SP4: variants seen among roughly 807,000 people sequenced by gnomAD.
SP4 encodes Sp4 transcription factor, also known as transcription factor Sp4.
A neutral mutation model predicts 72.8 loss-of-function variants in SP4; 19 were observed. The observed-to-expected ratio is 0.26, with a 90% CI of 0.18 to 0.38. The LOEUF is 0.38. Ranked by LOEUF, SP4 falls within the 10% of genes least tolerant of loss-of-function variation. SP4 has a pLI of 1.00. For missense variants in SP4, 1,008 were observed against 926.3 expected (o/e 1.09, Z -1.14); for synonymous variants, 395 against 333.1 (o/e 1.19, Z -2.02).
intron 3 of SP4, among the ~76,000 whole-genome samples, chr7:21,435,252 TTAA>T (rs1268709776): frequency 6.6e-6 from 1 of 152,194 alleles, no homozygotes; most frequent in African/African-American, 2.4e-5. Context: ...AAGTTCAGAC[TTAA>T]TAATAAGATA....
At chr7:21,446,338 A>G (rs1243425868) in intron 3 of SP4, among the ~76,000 whole-genome samples, 2 of 152,176 alleles carry the variant, frequency 1.3e-5, no homozygotes, top group Non-Finnish European at 2.9e-5. Context: ...ATTCTTTGGC[A>G]GCTGTCTGAA....
chr7:21,501,941 A>T (rs974950766), intron 5 of SP4, among the ~76,000 whole-genome samples: 4 of 151,066 alleles, frequency 2.6e-5, no homozygotes, highest in Non-Finnish European at 5.9e-5. Flanking sequence ...ATTATAATAG[A>T]TGTAGTTAAT....
intron 5 of SP4, among the ~76,000 whole-genome samples, chr7:21,502,258 G>A (rs1015023970): frequency 9.2e-5 from 14 of 152,216 alleles, no homozygotes; most frequent in Non-Finnish European, 1.6e-4. Flanking sequence ...GACATCAGCC[G>A]TGGTGTATGG....
At chr7:21,448,589 C>G (rs1410475241) in intron 3 of SP4, among the ~76,000 whole-genome samples, 1 of 152,074 alleles carries the variant, frequency 6.6e-6, no homozygotes, top group East Asian at 1.9e-4. Flanking sequence ...CTTTCACAAG[C>G]CTCAGTAATA....
intron 5 of SP4, among the ~76,000 whole-genome samples, chr7:21,488,691 C>T (rs902328390): frequency 6.6e-6 from 1 of 151,384 alleles, no homozygotes; most frequent in Non-Finnish European, 1.5e-5. Flanking sequence ...GCTAGGAGTT[C>T]GAGGCTATAG....
chr7:21,481,830 C>A, intron 4 of SP4, 94 bp from the exon 5 acceptor site: 2 of 867,026 alleles, frequency 2.3e-6, no homozygotes, highest in Non-Finnish European at 1.9e-6. Flanking sequence ...TTCAGAGAAG[C>A]ATCATTTAAT....
At chr7:21,451,010 G>A (rs1783578500) in intron 3 of SP4, among the ~76,000 whole-genome samples, 1 of 152,226 alleles carries the variant, frequency 6.6e-6, no homozygotes, top group South Asian at 2.1e-4. Context: ...ATATGTTGGT[G>A]TGTTTCTGAG....
intron 3 of SP4, among the ~76,000 whole-genome samples, chr7:21,444,651 G>C (rs551503113): frequency 3.5e-4 from 54 of 152,282 alleles, no homozygotes; most frequent in African/African-American, 1.2e-3. Context: ...ATATGCCACT[G>C]TTTAAGCACT....
In SP4 at chr7:21,430,368, A is replaced by G. The variant is rs773198449; in HGVS notation, c.1203A>G (p.Gln401=). ...TTCAGCAGGTGCAAATTGTAGGCCA[A>G]CCTATCTTACAGCAGATCCAGATCC... is the stretch of plus-strand genomic sequence containing the variant. ...NSLQQVQIVG[Q]PILQQIQIQQ... Residue 401 remains glutamine (Q), a synonymous_variant, in exon 3 of 6, where the codon CAA becomes CAG. Coordinates refer to ENST00000222584, the MANE Select transcript of SP4 (RefSeq NM_003112.5). 7 of 1,614,068 alleles carry G rather than the reference A, an allele frequency of 4.3e-6. No homozygotes were observed. The African/African-American group carries it at 5.3e-5, about 12-fold the overall frequency.
intron 3 of SP4, among the ~76,000 whole-genome samples, chr7:21,450,919 A>G (rs1783574448): frequency 6.6e-6 from 1 of 152,190 alleles, no homozygotes; most frequent in Admixed American, 6.5e-5. Context: ...GCAGGAATGA[A>G]AGGAAGTAAA....
At chr7:21,484,831 C>G (rs1483454695) in intron 5 of SP4, among the ~76,000 whole-genome samples, 1 of 151,756 alleles carries the variant, frequency 6.6e-6, no homozygotes, top group Non-Finnish European at 1.5e-5. Flanking sequence ...CATCCACACA[C>G]TTGCAGATAC....
intron 5 of SP4, among the ~76,000 whole-genome samples, chr7:21,493,830 A>C (rs150163701): frequency 1.3e-5 from 2 of 152,218 alleles, no homozygotes; most frequent in African/African-American, 4.8e-5. Flanking sequence ...AACTTATTCT[A>C]TGAGGCTCAC....
intron 5 of SP4, among the ~76,000 whole-genome samples, chr7:21,508,208 A>C (rs545184300): frequency 6.6e-6 from 1 of 152,264 alleles, no homozygotes; most frequent in Admixed American, 6.5e-5. Flanking sequence ...CCATGCAGGC[A>C]CAGAGATCCC....
intron 3 of SP4, among the ~76,000 whole-genome samples, chr7:21,440,086 CCACATGTACTTAGAGGCTTCGTAGAG>C (rs1783192657): frequency 6.6e-6 from 1 of 152,148 alleles, no homozygotes; most frequent in South Asian, 2.1e-4. Context: ...TTCGTGCAGA[CCACATGTACTTAGAGGCTTCGTAGAG>C]CACAACACTA....
At chr7:21,475,027 T>C (rs1488486192) in intron 3 of SP4, among the ~76,000 whole-genome samples, 1 of 152,206 alleles carries the variant, frequency 6.6e-6, no homozygotes, top group African/African-American at 2.4e-5. Flanking sequence ...TGGTACTTTT[T>C]ATTGCCTCTT....
In SP4 at chr7:21,429,590, C is replaced by T. The variant is rs749159523; in HGVS notation, c.425C>T (p.Ser142Leu). The change falls in exon 3 of 6, where the codon TCA becomes TTA. Residue 142 changes from serine to leucine, a missense_variant. Physicochemically the swap from Ser to Leu is moderately radical, Grantham distance 145. Transcript: ENST00000222584. ...NGSASPTKTK[S>L]GNSSTPGQFQ... The stretch of plus-strand genomic sequence containing the variant: ...AGTGCATCTCCTACAAAAACTAAAT[C>T]AGGTAATTCTTCCACCCCTGGTCAA... 3.8e-5 allele frequency: 62 copies of T among 1,614,056 alleles called. 1 individual carries two copies. Among genetic ancestry groups the T allele is most frequent in the Non-Finnish European group, 5.0e-5 (59 of 1,180,010 alleles).
intron 5 of SP4, among the ~76,000 whole-genome samples, chr7:21,489,520 T>G (rs1039819854): frequency 2.7e-5 from 4 of 150,472 alleles, no homozygotes; most frequent in Non-Finnish European, 5.9e-5. Flanking sequence ...GGGTTTTTGC[T>G]ATGTTGCCCA....
rs1356706935 is a variant in SP4 at position 21,513,644 on chromosome 7, TTTG to T, written c.*2384_*2386del. 2.0e-5 allele frequency: 3 copies of T among 152,410 alleles called. No individual in the cohort carries two copies. The highest frequency in any genetic ancestry group is 6.5e-5 in the Admixed American group (1 of 15,274). 9.4% of individuals were successfully genotyped at this position (152,410 alleles called of 1,614,324 possible). A position where few individuals can be genotyped will look rare whatever the true frequency, so the allele number is the denominator to read the frequency against. ...ATCATGTTTCCTCAGAGTGACACTT[TTTG>T]TTGTTGTTAATACCAAGTATGAACA... On this transcript the variant is annotated 3_prime_UTR_variant, in exon 6 of 6. Transcript: ENST00000222584.
chr7:21,476,273 CAAAAAAAAAAAA>C (rs753166936), intron 3 of SP4, among the ~76,000 whole-genome samples: 1 of 49,656 alleles, frequency 2.0e-5, no homozygotes, highest in Non-Finnish European at 3.7e-5. Flanking sequence ...GACTCCATCT[CAAAAAAAAAAAA>C]AAAAAAAAAA....
Sources: allele counts gnomAD v4.1 joint callset (sites outside exome capture counted in the v4.1 genomes callset), GRCh38; gene constraint gnomAD v4.1.1; transcripts MANE v1.5; gene names NCBI Gene and HGNC (gene_info 2026-07-23, HGNC 2026-07-21).